PRICKLE1: variants seen among roughly 807,000 people sequenced by gnomAD.
PRICKLE1 encodes the protein prickle planar cell polarity protein 1, also known as prickle-like protein 1.
PRICKLE1 carries 14 observed loss-of-function variants against 70.2 expected under a neutral mutation model. The ratio of observed to expected loss-of-function variants is 0.20; its 90% confidence interval spans 0.13 to 0.31. The LOEUF is 0.31. Among genes scored for constraint, PRICKLE1 ranks in the 10% least tolerant of loss-of-function variants. The probability of loss-of-function intolerance (pLI) is 1.00; values close to 1 mark genes in which losing one functional copy is unlikely to be tolerated. For synonymous variants in PRICKLE1, 357 were observed against 379.9 expected, an observed-to-expected ratio of 0.94 and a Z score of 0.70; for missense variants, 821 against 1,026.2, an observed-to-expected ratio of 0.80 and a Z score of 2.73.
intron 1 of PRICKLE1, among the ~76,000 whole-genome samples, chr12:42,584,176 T>G (rs1940949488): frequency 6.6e-6 from 1 of 152,200 alleles, no homozygotes; most frequent in Admixed American, 6.5e-5. Flanking sequence ...AATATTCTTA[T>G]TGAGATCTCT....
rs1937693787 is a variant in PRICKLE1 at position 42,459,177 on chromosome 12, A to G, written c.*632T>C. 1 of 665,350 alleles carries G rather than the reference A, an allele frequency of 1.5e-6. No individual in the cohort carries two copies. The highest frequency in any genetic ancestry group is 1.7e-5 in the South Asian group (1 of 59,994). 41.2% of individuals were successfully genotyped at this position (665,350 alleles called of 1,614,324 possible). ...CTTTAAAATCTGAACTGTACAGTAT[A>G]TACATTAATATTTGCACCGTTAAAT... On this transcript the variant is annotated 3_prime_UTR_variant, in exon 8 of 8. Transcript: ENST00000345127.
chr12:42,464,343 A>G lies in PRICKLE1; in HGVS notation c.1639+52T>C. On this transcript the variant is annotated intron_variant, in intron 7 of 7. Transcript: ENST00000345127. The surrounding 1 kb of genome is among the most constrained non-coding windows in gnomAD (Gnocchi z 4.2). ...GCTTGAATTGCAATTTTTTGAATAC[A>G]CTTTTTAGTAGCTCCTTTTTTCAAA... is the stretch of plus-strand genomic sequence containing the variant. 1.2e-6 allele frequency: 2 copies of G among 1,612,242 alleles called. No homozygotes were observed.
rs1301361111 is a variant in PRICKLE1, at chr12:42,457,651, G to C, written c.*2158C>G. On this transcript the variant is annotated 3_prime_UTR_variant, in exon 8 of 8. Transcript: ENST00000345127. ...CAGTGTAGCATAATGTATGAGGAAA[G>C]TCAACTCCATCATTAGGAGTAGGCT... 2 of 152,226 alleles carry C rather than the reference G, an allele frequency of 1.3e-5. No individual in the cohort carries two copies. Among genetic ancestry groups the C allele is most frequent in the African/African-American group, 2.4e-5 (1 of 41,456 alleles). 9.4% of individuals were successfully genotyped at this position (152,226 alleles called of 1,614,324 possible).
At chr12:42,546,399 C>A (rs1317133518) in intron 1 of PRICKLE1, among the ~76,000 whole-genome samples, 1 of 152,170 alleles carries the variant, frequency 6.6e-6, no homozygotes, top group East Asian at 1.9e-4. Context: ...TTTCACCTGA[C>A]TTAATGCTGA....
At position 42,517,138 on chromosome 12, in the gene PRICKLE1, C is replaced by T. The variant is rs1939625136; in HGVS notation, c.-48-44574G>A. ...GATTAGGATCTGCCTCTTTGAGTCT[C>T]CTAAATTAGCTGCTAATTATCCTGT... On this transcript the variant is annotated intron_variant, in intron 1 of 7. Coordinates refer to ENST00000345127, the MANE Select transcript of PRICKLE1 (RefSeq NM_153026.3). Among the ~76,000 whole-genome samples, 3 of 152,212 alleles carry T rather than the reference C, an allele frequency of 2.0e-5. No homozygotes were observed. The South Asian group carries it at 6.2e-4, about 32-fold the overall frequency.
At chr12:42,536,611 C>T (rs1940020588) in intron 1 of PRICKLE1, among the ~76,000 whole-genome samples, 1 of 152,160 alleles carries the variant, frequency 6.6e-6, no homozygotes, top group South Asian at 2.1e-4. Context: ...GTTCCTGCTA[C>T]ACTGCTTAGT....
chr12:42,467,471 T>C (rs1318069646), intron 5 of PRICKLE1, among the ~76,000 whole-genome samples: 1 of 152,160 alleles, frequency 6.6e-6, no homozygotes, highest in Non-Finnish European at 1.5e-5. Context: ...CGGAGCATGG[T>C]GGCTCACCCT....
Position 42,469,785 on chromosome 12 carries a change from C to T in PRICKLE1, c.247-198G>A, listed in dbSNP as rs1938243205. 3 of 636,072 alleles carry T rather than the reference C, an allele frequency of 4.7e-6. No homozygotes were observed. The South Asian group carries it at 5.9e-5, about 12-fold the overall frequency. The allele number at this position is 636,072 out of a possible 1,614,324, so 39.4% of individuals were successfully genotyped here. On this transcript the variant is annotated intron_variant, in intron 3 of 7. Transcript: ENST00000345127. ...AAGGGAAATGCAATGTGAAGGAATA[C>T]TTTTTTTTTAAATAAGAAATGTTTA...
intron 1 of PRICKLE1, among the ~76,000 whole-genome samples, chr12:42,503,261 T>TA (rs1939347254): frequency 6.6e-6 from 1 of 152,170 alleles, no homozygotes; most frequent in African/African-American, 2.4e-5. Context: ...TTAAAAATTT[T>TA]ATGGCTCAAT....
At chr12:42,560,768 T>TCACACACACA (rs71084672) in intron 1 of PRICKLE1, among the ~76,000 whole-genome samples, 2 of 127,744 alleles carry the variant, frequency 1.6e-5, no homozygotes, top group Non-Finnish European at 1.6e-5. Context: ...GCCCATCTTC[T>TCACACACACA]CACACACACA....
At chr12:42,581,477 G>C (rs1459928046) in intron 1 of PRICKLE1, among the ~76,000 whole-genome samples, 3 of 151,962 alleles carry the variant, frequency 2.0e-5, no homozygotes. Flanking sequence ...AGGTGAGGTG[G>C]CTCACACCTG....
chr12:42,566,834 A>G (rs1419050097), intron 1 of PRICKLE1, among the ~76,000 whole-genome samples: 1 of 152,190 alleles, frequency 6.6e-6, no homozygotes, highest in Non-Finnish European at 1.5e-5. Flanking sequence ...TTGGCTTTTC[A>G]ATTGAGAAAC....
At chr12:42,562,767 A>G (rs1256908811) in intron 1 of PRICKLE1, among the ~76,000 whole-genome samples, 1 of 152,256 alleles carries the variant, frequency 6.6e-6, no homozygotes, top group Non-Finnish European at 1.5e-5. Flanking sequence ...CAGAAGGAAA[A>G]GAAAAAAATT....
intron 1 of PRICKLE1, among the ~76,000 whole-genome samples, chr12:42,499,507 A>C (rs1335857554): frequency 1.3e-5 from 2 of 148,148 alleles, no homozygotes; most frequent in South Asian, 2.1e-4. Context: ...TGTAGCCTCC[A>C]CCTCCCAGGT....
intron 1 of PRICKLE1, among the ~76,000 whole-genome samples, chr12:42,506,664 C>T (rs979152517): frequency 3.4e-5 from 5 of 148,400 alleles, no homozygotes; most frequent in Non-Finnish European, 5.9e-5. Flanking sequence ...CAATCTCTGC[C>T]TCCCGGGTTC....
chr12:42,534,919 T>C (rs1457524563), intron 1 of PRICKLE1, among the ~76,000 whole-genome samples: 1 of 152,232 alleles, frequency 6.6e-6, no homozygotes, highest in Non-Finnish European at 1.5e-5. Flanking sequence ...TAGATATGTA[T>C]GGTTTTTGAC....
chr12:42,567,859 C>T (rs1276440411), intron 1 of PRICKLE1, among the ~76,000 whole-genome samples: 1 of 150,574 alleles, frequency 6.6e-6, no homozygotes, highest in Non-Finnish European at 1.5e-5. Context: ...ACACATTCCA[C>T]ATTCCTCTCT....
chr12:42,469,918 C>T, intron 3 of PRICKLE1: 1 of 491,480 alleles, frequency 2.0e-6, no homozygotes, highest in Non-Finnish European at 3.7e-6. Flanking sequence ...ATTCTACATG[C>T]ACTCAACTCA....
At chr12:42,477,478 G>GTA (rs1566091034) in intron 1 of PRICKLE1, among the ~76,000 whole-genome samples, 1 of 50,046 alleles carries the variant, frequency 2.0e-5, no homozygotes, top group Non-Finnish European at 6.0e-5. Context: ...GTGTGTGTGT[G>GTA]TGTGTATATA....
Sources: allele counts gnomAD v4.1 joint callset (sites outside exome capture counted in the v4.1 genomes callset), GRCh38; gene constraint gnomAD v4.1.1; non-coding constraint Gnocchi (gnomAD v3.1); transcripts MANE v1.5; gene names NCBI Gene and HGNC (gene_info 2026-07-23, HGNC 2026-07-21).